Variants in PTPRD observed in about 807,000 individuals in gnomAD.
The protein encoded by PTPRD is receptor-type tyrosine-protein phosphatase delta.
In PTPRD, 34 loss-of-function variants were observed where a neutral mutation model predicts 214.5. The observed-to-expected ratio is 0.16, with a 90% CI of 0.12 to 0.21. The LOEUF (loss-of-function observed/expected upper bound fraction) is 0.21, where lower values mean the gene tolerates loss of function less well. Ranked by LOEUF, PTPRD falls within the 10% of genes least tolerant of loss-of-function variation. The probability of loss-of-function intolerance (pLI) is 1.00; values close to 1 mark genes in which losing one functional copy is unlikely to be tolerated. For missense variants in PTPRD, 2,545 were observed against 2,398.7 expected (o/e 1.06, Z -1.27); for synonymous variants, 1,128 against 845.7 (o/e 1.33, Z -5.79).
intron 2 of PTPRD, among the ~76,000 whole-genome samples, chr9:10,583,797 C>G (rs1243488515): frequency 6.6e-6 from 1 of 152,070 alleles, no homozygotes; most frequent in Non-Finnish European, 1.5e-5. Context: ...CTATATAGTT[C>G]AGTGGTATTG....
chr9:10,389,453 C>G (rs937299447), intron 2 of PTPRD, among the ~76,000 whole-genome samples: 1 of 151,826 alleles, frequency 6.6e-6, no homozygotes, highest in Non-Finnish European at 1.5e-5. Context: ...CTGGTCAATG[C>G]CAGCAATCCA....
At chr9:9,951,404 A>T (rs994291379) in intron 4 of PTPRD, among the ~76,000 whole-genome samples, 1 of 152,236 alleles carries the variant, frequency 6.6e-6, no homozygotes. Flanking sequence ...TAGCCTTAAT[A>T]TATTTATGAC....
At chr9:9,347,804 T>C (rs967204561) in intron 9 of PTPRD, among the ~76,000 whole-genome samples, 2 of 152,164 alleles carry the variant, frequency 1.3e-5, no homozygotes, top group East Asian at 1.9e-4. Flanking sequence ...ATTCACTCAA[T>C]AGTGCTTCAC....
At chr9:9,898,657 A>G (rs989971662) in intron 5 of PTPRD, among the ~76,000 whole-genome samples, 4 of 152,090 alleles carry the variant, frequency 2.6e-5, no homozygotes, top group African/African-American at 7.2e-5. Flanking sequence ...AATGTCACAT[A>G]TGCTTTATAT....
rs566603934 is a variant in PTPRD, at chr9:8,879,851, T to G, written c.-104+138846A>C. Among the ~76,000 whole-genome samples, 9 of 152,288 alleles carry G rather than the reference T, an allele frequency of 5.9e-5. No individual in the cohort carries two copies. The South Asian group carries it at 1.9e-3, about 32-fold the overall frequency. ...AGTCATCCATTTCCTGAGACTGCTC[T>G]AAGCACCCCACACGTGTTTCTAGGT... is the stretch of plus-strand genomic sequence containing the variant. On this transcript the variant is annotated intron_variant, in intron 11 of 45. Coordinates refer to ENST00000381196, the MANE Select transcript of PTPRD (RefSeq NM_002839.4).
At chr9:9,741,929 T>A (rs1022301717) in intron 6 of PTPRD, among the ~76,000 whole-genome samples, 6 of 152,178 alleles carry the variant, frequency 3.9e-5, no homozygotes, top group African/African-American at 1.4e-4. Context: ...TGAGCATGTG[T>A]CTTTATAGTA....
At chr9:9,973,143 C>T (rs892375528) in intron 4 of PTPRD, among the ~76,000 whole-genome samples, 1 of 151,954 alleles carries the variant, frequency 6.6e-6, no homozygotes, top group African/African-American at 2.4e-5. Context: ...ACAGGGTTAA[C>T]TTTTTGAACA....
intron 3 of PTPRD, among the ~76,000 whole-genome samples, chr9:10,264,293 C>A (rs1232888827): frequency 2.0e-5 from 3 of 152,136 alleles, no homozygotes; most frequent in African/African-American, 4.8e-5. Context: ...TGACAGCTTG[C>A]ACCATGTTCC....
chr9:9,117,537 G>T (rs1441022938), intron 10 of PTPRD, among the ~76,000 whole-genome samples: 7 of 152,246 alleles, frequency 4.6e-5, no homozygotes, highest in African/African-American at 1.4e-4. Flanking sequence ...CAAATGTAAA[G>T]TTGGTAGGCC....
intron 7 of PTPRD, among the ~76,000 whole-genome samples, chr9:9,582,209 G>T (rs2090981994): frequency 6.6e-6 from 1 of 152,038 alleles, no homozygotes; most frequent in African/African-American, 2.4e-5. Context: ...ACCATCCTTA[G>T]TCTCAATGCC....
At chr9:9,885,984 T>TAA (rs74310891) in intron 5 of PTPRD, among the ~76,000 whole-genome samples, 3 of 138,848 alleles carry the variant, frequency 2.2e-5, no homozygotes, top group African/African-American at 2.8e-5. Context: ...CCCCACATAT[T>TAA]AAAAAAAAAA....
chr9:9,697,123 T>C (rs1032875040), intron 7 of PTPRD, among the ~76,000 whole-genome samples: 1 of 152,092 alleles, frequency 6.6e-6, no homozygotes, highest in Non-Finnish European at 1.5e-5. Context: ...AATTTACATA[T>C]TTTTATAGTG....
At chr9:10,596,940 T>C (rs1395687174) in intron 2 of PTPRD, among the ~76,000 whole-genome samples, 1 of 151,528 alleles carries the variant, frequency 6.6e-6, no homozygotes, top group Admixed American at 6.6e-5. Context: ...CCCAAGTTAA[T>C]CAAATAAAAC....
chr9:9,145,587 G>T (rs991118226), intron 10 of PTPRD, among the ~76,000 whole-genome samples: 3 of 151,734 alleles, frequency 2.0e-5, no homozygotes. Context: ...ATTTTAAAAA[G>T]CTGCTAGGCC....
Position 8,317,296 on chromosome 9 carries a change from G to A in PTPRD, c.*578C>T, listed in dbSNP as rs1205038077. On this transcript the variant is annotated 3_prime_UTR_variant, in exon 46 of 46. Coordinates refer to ENST00000381196, the MANE Select transcript of PTPRD (RefSeq NM_002839.4). ...TTTTTTAAAATTCACTTTATCGAAT[G>A]ATACATTTTGTTAAAAAAAAGTTTA... 1 of 232,050 alleles carries A rather than the reference G, an allele frequency of 4.3e-6. No homozygotes were observed. The highest frequency in any genetic ancestry group is 2.2e-5 in the African/African-American group (1 of 45,236). 14.4% of individuals were successfully genotyped at this position (232,050 alleles called of 1,614,324 possible).
intron 10 of PTPRD, among the ~76,000 whole-genome samples, chr9:9,141,825 A>T (rs1471506533): frequency 7.0e-6 from 1 of 142,318 alleles, no homozygotes; most frequent in Admixed American, 6.9e-5. Flanking sequence ...AGTTTCTGGG[A>T]AAGTCAACTA....
At chr9:9,811,372 T>C (rs1179719482) in intron 5 of PTPRD, among the ~76,000 whole-genome samples, 2 of 152,086 alleles carry the variant, frequency 1.3e-5, no homozygotes, top group Admixed American at 1.3e-4. Flanking sequence ...CAAAATCTCA[T>C]GATGAAACTT....
intron 43 of PTPRD, among the ~76,000 whole-genome samples, chr9:8,335,143 T>C: frequency 6.6e-6 from 1 of 151,908 alleles, no homozygotes; most frequent in East Asian, 1.9e-4. Context: ...TCCTAACTCA[T>C]TTTATGAGGC....
At position 10,053,354 on chromosome 9, in the gene PTPRD, G is replaced by A. The variant is rs562953763; in HGVS notation, c.-544-19564C>T. Reference sequence around the variant, plus strand: ...TTTGTTCTTAGTATTCCAAGATGAGGTAGTCTGAGTTTTTGCCCCTCATGG... The same window carrying A: ...TTTGTTCTTAGTATTCCAAGATGAGATAGTCTGAGTTTTTGCCCCTCATGG... On this transcript the variant is annotated intron_variant, in intron 3 of 45. Coordinates refer to ENST00000381196, the MANE Select transcript of PTPRD (RefSeq NM_002839.4). Among the ~76,000 whole-genome samples, 19 of 152,250 alleles carry A rather than the reference G, an allele frequency of 1.2e-4. No homozygotes were observed. In the Middle Eastern group the frequency reaches 0.01, roughly 82 times the overall value.
Sources: allele counts gnomAD v4.1 joint callset (sites outside exome capture counted in the v4.1 genomes callset), GRCh38; gene constraint gnomAD v4.1.1; transcripts MANE v1.5; gene names NCBI Gene and HGNC (gene_info 2026-07-23, HGNC 2026-07-21).